The following RPS12 variants were observed in gnomAD, a reference collection of about 807,000 sequenced individuals.
RPS12 encodes the protein small ribosomal subunit protein eS12.
RPS12 carries 1 observed loss-of-function variant against 17.2 expected under a neutral mutation model. That is an observed-to-expected ratio of 0.06 (90% CI 0.02 to 0.28). RPS12 has a LOEUF of 0.28. Among genes scored for constraint, RPS12 ranks in the 10% least tolerant of loss-of-function variants. RPS12 has a pLI of 1.00. For synonymous variants in RPS12, 67 were observed against 54.0 expected, an observed-to-expected ratio of 1.24 and a Z score of -1.06; for missense variants, 146 against 162.1, an observed-to-expected ratio of 0.90 and a Z score of 0.54.
chr6:132,817,106 C>A, intron 5 of RPS12, 45 bp downstream of exon 5: 3 of 1,169,586 alleles, frequency 2.6e-6, no homozygotes, highest in Non-Finnish European at 2.6e-6. Context: ...GCTGGGTAAT[C>A]ATATAAAACC....
At chr6:132,816,376 G>A (rs1369648445) in intron 3 of RPS12, 85 bp from the exon 4 acceptor site, 2 of 981,430 alleles carry the variant, frequency 2.0e-6, no homozygotes, top group Non-Finnish European at 3.2e-6. Flanking sequence ...GCAAGTGTTA[G>A]TGCAAAGATA....
intron 5 of RPS12, 196 bp from the exon 6 acceptor site, chr6:132,817,284 G>A (rs1782084856): frequency 3.9e-6 from 3 of 772,610 alleles, no homozygotes; most frequent in East Asian, 2.4e-5. Context: ...ACTGGCAATA[G>A]TAAAGCCATG....
intron 5 of RPS12, 192 bp downstream of exon 5, chr6:132,817,253 T>C (rs1782084060): frequency 1.3e-6 from 1 of 772,742 alleles, no homozygotes; most frequent in Admixed American, 1.7e-5. Flanking sequence ...CTGATTGTGT[T>C]TGTGCAGACA....
At chr6:132,815,956 C>G (rs778409058) in intron 3 of RPS12, 1 of 453,184 alleles carries the variant, frequency 2.2e-6, no homozygotes, top group Non-Finnish European at 4.4e-6. Context: ...TTCTGCCTCC[C>G]GAGTAGATGG....
Position 132,815,004 on chromosome 6 carries a change from C to G in RPS12, c.47C>G (p.Thr16Ser). 1 of 1,613,024 alleles carries G rather than the reference C, an allele frequency of 6.2e-7. No individual in the cohort carries two copies. Among genetic ancestry groups the G allele is most frequent in the Non-Finnish European group, 8.5e-7 (1 of 1,179,012 alleles). The change falls in exon 3 of 6, where the codon ACT becomes AGT. Residue 16 changes from threonine to serine, a missense_variant. Around this residue, in one of 2 missense-constraint regions of RPS12, gnomAD observed 117 missense variants for 104.6 expected, o/e 1.12. Transcript: ENST00000230050. ...GCTGGAGGTGTAATGGACGTTAATACTGCTTTACAAGAGGTTCTGAAGACT... is the reference window on the plus strand; with the variant it reads ...GCTGGAGGTGTAATGGACGTTAATAGTGCTTTACAAGAGGTTCTGAAGACT... ...IAAGGVMDVN[T>S]ALQEVLKTAL...
At chr6:132,815,159 A>G (rs1016606964) in intron 3 of RPS12, 71 bp downstream of exon 3, 2 of 965,706 alleles carry the variant, frequency 2.1e-6, no homozygotes, top group Admixed American at 1.8e-5. Flanking sequence ...GGAAGAAGGC[A>G]TGGAGTTCAT....
chr6:132,814,585 G>A lies in RPS12; in HGVS notation c.-66G>A, dbSNP rs945610603. 6.5e-6 allele frequency: 5 copies of A among 774,848 alleles called. No individual in the cohort carries two copies. Among genetic ancestry groups the A allele is most frequent in the Non-Finnish European group, 1.1e-5 (5 of 446,312 alleles). The allele number at this position is 774,848 out of a possible 1,614,324, so 48.0% of individuals were successfully genotyped here. On this transcript the variant is annotated 5_prime_UTR_variant, in exon 1 of 6. Transcript: ENST00000230050. ...GGATGAGGCCTCTTTCCCTGCCGCC[G>A]CCGAGTCGCGCGGAGGCGGAGGCTT...
intron 2 of RPS12, 53 bp downstream of exon 2, chr6:132,814,835 G>A (rs41286196): frequency 0.06 from 92,812 of 1,538,268 alleles, 3,336 homozygotes; most frequent in Non-Finnish European, 0.072. Context: ...CTGAGGCGTG[G>A]GGCTAGAGCT....
At chr6:132,815,628 T>C (rs1782032159) in intron 3 of RPS12, 2 of 456,500 alleles carry the variant, frequency 4.4e-6, no homozygotes, top group South Asian at 1.5e-5. Context: ...CATTGACAAA[T>C]CAACCTACTC....
chr6:132,815,260 T>A (rs1190704254), intron 3 of RPS12, 172 bp downstream of exon 3: 1 of 748,142 alleles, frequency 1.3e-6, no homozygotes, highest in African/African-American at 1.7e-5. Flanking sequence ...CCACTTAAAA[T>A]GTGTGGGTTG....
intron 1 of RPS12, 51 bp from the exon 2 acceptor site, chr6:132,814,681 A>C: frequency 2.1e-6 from 3 of 1,449,188 alleles, no homozygotes; most frequent in Admixed American, 3.3e-5. Flanking sequence ...TCTTGCTGGG[A>C]TTCGTGACGA....
chr6:132,814,892 G>T lies in RPS12; in HGVS notation c.15-80G>T, dbSNP rs796280539. The T allele has an allele frequency of 2.9e-6, 4 of 1,403,090 alleles. No individual in the cohort carries two copies. In the South Asian group the frequency reaches 3.5e-5, roughly 12 times the overall value. The allele number at this position is 1,403,090 out of a possible 1,614,324, so 86.9% of individuals were successfully genotyped here. On this transcript the variant is annotated intron_variant, in intron 2 of 5. Coordinates refer to ENST00000230050, the MANE Select transcript of RPS12 (RefSeq NM_001016.4). ...ACGGGTCGCCGTAAGCGCGTCTGTT[G>T]TACACTTAGCTTTTGCTGAGTGCAA...
rs1235949374 is a variant in RPS12 at position 132,817,537 on chromosome 6, A to C, written c.394A>C (p.Lys132Gln). 1.9e-6 allele frequency: 3 copies of C among 1,610,436 alleles called. No homozygotes were observed. Among genetic ancestry groups the C allele is most frequent in the Non-Finnish European group, 2.5e-6 (3 of 1,178,476 alleles). ...CATTGAAGAGTATTTCAAATGCAAG[A>C]AATGAAGAAATAAATCTTTGGCTCA... is the stretch of plus-strand genomic sequence containing the variant. ...DVIEEYFKCK[K>Q] The change falls in exon 6 of 6, where the codon AAA becomes CAA. Residue 132 changes from lysine (K) to glutamine (Q), a missense_variant. Lys to Gln is a moderately conservative substitution (Grantham distance 53). This residue lies in a region of RPS12 where 29 missense variants were observed against 57.5 expected (regional missense o/e 0.50). Coordinates refer to ENST00000230050, the MANE Select transcript of RPS12 (RefSeq NM_001016.4).
chr6:132,814,834 G>C (rs1426721322), intron 2 of RPS12, 52 bp downstream of exon 2: 1 of 1,544,648 alleles, frequency 6.5e-7, no homozygotes, highest in Non-Finnish European at 8.9e-7. Context: ...GCTGAGGCGT[G>C]GGGCTAGAGC....
intron 4 of RPS12, 24 bp from the exon 5 acceptor site, chr6:132,816,936 T>C (rs745327325): frequency 1.8e-5 from 26 of 1,468,104 alleles, no homozygotes; most frequent in Admixed American, 3.4e-5. Flanking sequence ...TGATTTTTTT[T>C]TTTTTTAACC....
chr6:132,815,401 A>C (rs559932276), intron 3 of RPS12: 3 of 556,348 alleles, frequency 5.4e-6, no homozygotes, highest in East Asian at 9.2e-5. Flanking sequence ...GGAGCTAGTC[A>C]GTCTTATACT....
chr6:132,815,503 A>G (rs1389922710), intron 3 of RPS12: 8 of 408,220 alleles, frequency 2.0e-5, no homozygotes, highest in Non-Finnish European at 3.9e-5. Context: ...CTCAGGTTTC[A>G]GAAGCATTTG....
At chr6:132,815,599 G>A (rs1582886963) in intron 3 of RPS12, 1 of 455,646 alleles carries the variant, frequency 2.2e-6, no homozygotes, top group Middle Eastern at 3.3e-4. Context: ...TCGAGTTAAT[G>A]TGTTTTTTAG....
At position 132,816,569 on chromosome 6, in the gene RPS12, G is replaced by C. The variant is rs754283258; in HGVS notation, c.234+6G>C. ...ACCAAATCAACCTAATTAAGGTAAG[G>C]CTGCTAAGGATTGTGTTGGGACTAA... On this transcript the variant is annotated splice_donor_region_variant and intron_variant, in intron 4 of 5. Transcript: ENST00000230050. 5 of 1,577,026 alleles carry C rather than the reference G, an allele frequency of 3.2e-6. No individual in the cohort carries two copies. The South Asian group carries it at 5.5e-5, about 17-fold the overall frequency.
Sources: gnomAD v4.1 joint callset for allele counts on GRCh38, gnomAD v4.1.1 for gene constraint, gnomAD v4.1.1 regional missense constraint, MANE v1.5 for transcripts, NCBI Gene and HGNC (gene_info 2026-07-23, HGNC 2026-07-21) for gene names.